The following FRMD5 variants were observed in gnomAD, a reference collection of about 807,000 sequenced individuals.
The protein encoded by FRMD5 is FERM domain-containing protein 5.
Under a neutral mutation model 69.0 loss-of-function variants are expected in FRMD5, and 20 were observed. The observed-to-expected ratio is 0.29, with a 90% CI of 0.20 to 0.42. FRMD5 has a LOEUF of 0.42. FRMD5 is among the 10% of genes least tolerant of loss of function. FRMD5 has a pLI of 1.00. For synonymous variants in FRMD5, 271 were observed against 260.1 expected (o/e 1.04, Z -0.40); for missense variants, 595 against 708.6 (o/e 0.84, Z 1.82).
chr15:44,029,465 G>C (rs143148646), intron 1 of FRMD5, among the ~76,000 whole-genome samples: 1 of 152,198 alleles, frequency 6.6e-6, no homozygotes, highest in Non-Finnish European at 1.5e-5. Flanking sequence ...TATTTTACCT[G>C]CCCCAGGATA....
At chr15:44,067,008 C>A (rs1207729393) in intron 1 of FRMD5, among the ~76,000 whole-genome samples, 1 of 151,946 alleles carries the variant, frequency 6.6e-6, no homozygotes, top group Non-Finnish European at 1.5e-5. Flanking sequence ...AGAAAAAGAT[C>A]AATCACTGAA....
chr15:44,064,467 G>A (rs969525474), intron 1 of FRMD5, among the ~76,000 whole-genome samples: 4 of 152,130 alleles, frequency 2.6e-5, no homozygotes, highest in African/African-American at 9.7e-5. Context: ...GCGCATGCCT[G>A]TAATCCAGGT....
At chr15:43,919,682 G>T in intron 3 of FRMD5, 85 bp downstream of exon 3, 2 of 1,467,138 alleles carry the variant, frequency 1.4e-6, no homozygotes, top group Non-Finnish European at 1.9e-6. Context: ...AATTATATAT[G>T]TAGATCAAAA....
intron 1 of FRMD5, among the ~76,000 whole-genome samples, chr15:43,991,739 T>C (rs995545913): frequency 6.6e-6 from 1 of 152,216 alleles, no homozygotes; most frequent in Non-Finnish European, 1.5e-5. Context: ...GGGATTGATA[T>C]TTTCAAACAG....
chr15:44,117,168 T>A (rs1445062360), intron 1 of FRMD5, among the ~76,000 whole-genome samples: 3 of 152,112 alleles, frequency 2.0e-5, no homozygotes, highest in African/African-American at 7.2e-5. Context: ...ATGTATTTTG[T>A]CTTCACCCAG....
At chr15:43,921,658 A>G (rs1233085569) in intron 2 of FRMD5, among the ~76,000 whole-genome samples, 1 of 152,208 alleles carries the variant, frequency 6.6e-6, no homozygotes, top group Non-Finnish European at 1.5e-5. Flanking sequence ...ACATGGGCTT[A>G]GGGAGGAGGG....
intron 1 of FRMD5, among the ~76,000 whole-genome samples, chr15:44,145,532 C>G (rs779957844): frequency 1.3e-5 from 2 of 152,088 alleles, no homozygotes; most frequent in African/African-American, 2.4e-5. Flanking sequence ...AAATTAAATG[C>G]AAACTTAGAT....
At chr15:43,953,598 T>G (rs2090070550) in intron 1 of FRMD5, among the ~76,000 whole-genome samples, 3 of 152,340 alleles carry the variant, frequency 2.0e-5, no homozygotes, top group African/African-American at 7.2e-5. Context: ...CTAGGAGAAC[T>G]ATGGTAGATC....
At chr15:44,186,637 G>T (rs1037366232) in intron 1 of FRMD5, among the ~76,000 whole-genome samples, 1 of 152,140 alleles carries the variant, frequency 6.6e-6, no homozygotes, top group Non-Finnish European at 1.5e-5. Flanking sequence ...AATTTTTCTG[G>T]CTCCCACAAT....
chr15:43,906,025 G>T, intron 5 of FRMD5, 74 bp from the exon 6 acceptor site: 1 of 1,583,540 alleles, frequency 6.3e-7, no homozygotes, highest in Non-Finnish European at 8.7e-7. Flanking sequence ...CAAGAGATTA[G>T]CACACAGAGC....
chr15:44,013,257 G>A (rs909937523), intron 1 of FRMD5, among the ~76,000 whole-genome samples: 1 of 152,170 alleles, frequency 6.6e-6, no homozygotes, highest in African/African-American at 2.4e-5. Flanking sequence ...GCTGGGCGTG[G>A]TGGCATGCCC....
Position 44,022,447 on chromosome 15 carries a change from AC to A in FRMD5, c.103-98139del, listed in dbSNP as rs1891249634. ...AAATTAGTTGGGCGTGGTGGCATGT[AC>A]CTGTAATCTCAGCTACTCGGGAGGC... On this transcript the variant is annotated intron_variant, in intron 1 of 13. Coordinates refer to ENST00000417257, the MANE Select transcript of FRMD5 (RefSeq NM_032892.5). Among the ~76,000 whole-genome samples, 4 of 151,250 alleles carry A rather than the reference AC, an allele frequency of 2.6e-5. No individual in the cohort carries two copies. In the South Asian group the frequency reaches 8.3e-4, roughly 32 times the overall value.
intron 1 of FRMD5, among the ~76,000 whole-genome samples, chr15:44,186,076 C>T (rs1240380083): frequency 2.6e-5 from 4 of 152,024 alleles, no homozygotes; most frequent in Admixed American, 2.0e-4. Flanking sequence ...TACAGGCATG[C>T]GTCACCACAC....
intron 1 of FRMD5, among the ~76,000 whole-genome samples, chr15:44,081,360 T>C (rs1893989755): frequency 1.3e-5 from 2 of 152,292 alleles, no homozygotes; most frequent in East Asian, 1.9e-4. Context: ...GGAAAGTCTA[T>C]GTGTTACCAC....
chr15:44,169,762 G>A (rs1338373945), intron 1 of FRMD5, among the ~76,000 whole-genome samples: 10 of 151,994 alleles, frequency 6.6e-5, no homozygotes, highest in Non-Finnish European at 1.5e-4. Context: ...TAATTTCTGA[G>A]AATATAAAAT....
intron 1 of FRMD5, among the ~76,000 whole-genome samples, chr15:44,175,755 C>T (rs1257903106): frequency 6.6e-6 from 1 of 151,872 alleles, no homozygotes; most frequent in African/African-American, 2.4e-5. Context: ...GTGATACATC[C>T]ATAAAATAGA....
At chr15:44,162,866 T>C (rs1595541274) in intron 1 of FRMD5, among the ~76,000 whole-genome samples, 3 of 72,556 alleles carry the variant, frequency 4.1e-5, no homozygotes, top group South Asian at 5.2e-4. Context: ...AAACTCCGTC[T>C]CAAAAAAAAA....
chr15:43,972,226 A>G (rs1299861199), intron 1 of FRMD5, among the ~76,000 whole-genome samples: 1 of 151,376 alleles, frequency 6.6e-6, no homozygotes, highest in Non-Finnish European at 1.5e-5. Flanking sequence ...AGACCAACCA[A>G]CTCCATCTCT....
At chr15:44,048,934 A>G (rs1048032493) in intron 1 of FRMD5, among the ~76,000 whole-genome samples, 1 of 152,182 alleles carries the variant, frequency 6.6e-6, no homozygotes, top group African/African-American at 2.4e-5. Flanking sequence ...CTAGAAATCC[A>G]CTGCTAAGCC....
Sources: gnomAD v4.1 joint callset for allele counts (sites outside exome capture counted in the v4.1 genomes callset) on GRCh38, gnomAD v4.1.1 for gene constraint, MANE v1.5 for transcripts, NCBI Gene and HGNC (gene_info 2026-07-23, HGNC 2026-07-21) for gene names.